Variants in ATP10B observed in about 807,000 individuals in gnomAD.
ATP10B encodes the protein phospholipid-transporting ATPase VB.
ATP10B carries 122 observed loss-of-function variants against 141.2 expected under a neutral mutation model. The observed-to-expected ratio is 0.86, with a 90% confidence interval of 0.75 to 1.00. The LOEUF (loss-of-function observed/expected upper bound fraction) is 1.00. ATP10B is among the 50% of genes least tolerant of loss of function. The pLI, the probability that ATP10B is intolerant of heterozygous loss-of-function variation, is 0.00. For missense variants in ATP10B, 1,876 were observed against 1,825.3 expected (o/e 1.03, Z -0.51); for synonymous variants, 685 against 692.0 (o/e 0.99, Z 0.16).
At chr5:160,813,139 G>A (rs1438672976) in intron 1 of ATP10B, among the ~76,000 whole-genome samples, 1 of 152,240 alleles carries the variant, frequency 6.6e-6, no homozygotes, top group Non-Finnish European at 1.5e-5. Flanking sequence ...AGTGGATGCA[G>A]GACAGTGGGT....
At position 160,565,824 on chromosome 5, in the gene ATP10B, G is replaced by A. The variant is rs758514704; in HGVS notation, c.4015C>T (p.Pro1339Ser). Residue 1339 changes from proline to serine, a missense_variant, in exon 26 of 26, where the codon CCA (proline) becomes TCA (serine). Transcript: ENST00000327245. ...TGGATTTCCAGGTTTCTTTTGTCTG[G>A]GGGGAGTTTGTCAATTTTCTGAGCT... ...SKAQKIDKLPPDKRNLEIQSW... is the reference protein window; with the variant it reads ...SKAQKIDKLPSDKRNLEIQSW... The A allele has an allele frequency of 6.2e-7, 1 of 1,613,994 alleles. No homozygotes were observed. The highest frequency in any genetic ancestry group is 8.5e-7 in the Non-Finnish European group (1 of 1,179,964).
intron 2 of ATP10B, among the ~76,000 whole-genome samples, chr5:160,765,390 A>G (rs1172667513): frequency 6.6e-6 from 1 of 152,216 alleles, no homozygotes; most frequent in Non-Finnish European, 1.5e-5. Flanking sequence ...AACAGAATAG[A>G]GAACTCAGAA....
intron 22 of ATP10B, among the ~76,000 whole-genome samples, chr5:160,597,027 G>C (rs1756743872): frequency 6.6e-6 from 1 of 152,138 alleles, no homozygotes; most frequent in Non-Finnish European, 1.5e-5. Context: ...TTTCTTCACA[G>C]AATTGGAAAA....
At chr5:160,640,434 C>T in intron 10 of ATP10B, 27 bp downstream of exon 10, 1 of 1,611,264 alleles carries the variant, frequency 6.2e-7, no homozygotes, top group South Asian at 1.1e-5. Context: ...ATTACTGTGT[C>T]CTTGTTCTTT....
the ATP10B span, among the ~76,000 whole-genome samples, chr5:160,899,273 G>A: frequency 6.6e-6 from 1 of 151,986 alleles, no homozygotes; most frequent in Non-Finnish European, 1.5e-5. Context: ...AAAATACTGT[G>A]AGCACCCCTT....
At chr5:160,844,005 A>G (rs1361710621) in intron 1 of ATP10B, among the ~76,000 whole-genome samples, 2 of 152,170 alleles carry the variant, frequency 1.3e-5, no homozygotes, top group African/African-American at 4.8e-5. Flanking sequence ...TTTACAAAGT[A>G]CAAAAATCTG....
intron 2 of ATP10B, among the ~76,000 whole-genome samples, chr5:160,744,476 C>A (rs574920538): frequency 6.6e-6 from 1 of 152,290 alleles, no homozygotes. Context: ...TCATGGGTTG[C>A]TGAGAGGAAG....
At chr5:160,792,969 T>G (rs139549806) in intron 1 of ATP10B, among the ~76,000 whole-genome samples, 1 of 152,320 alleles carries the variant, frequency 6.6e-6, no homozygotes, top group East Asian at 1.9e-4. Flanking sequence ...GTCAGGCTCT[T>G]GCATCCTGCT....
At chr5:160,631,464 CA>C in intron 13 of ATP10B, among the ~76,000 whole-genome samples, 1 of 152,314 alleles carries the variant, frequency 6.6e-6, no homozygotes, top group East Asian at 1.9e-4. Flanking sequence ...CCACAAACAG[CA>C]ATGCCCATAA....
chr5:160,825,496 C>A (rs939849625), intron 1 of ATP10B, among the ~76,000 whole-genome samples: 6 of 152,192 alleles, frequency 3.9e-5, no homozygotes, highest in Admixed American at 2.6e-4. Flanking sequence ...GCCTCCCCAG[C>A]ATGTGGAACT....
At chr5:160,663,471 G>T (rs1561720677) in intron 7 of ATP10B, among the ~76,000 whole-genome samples, 2 of 152,154 alleles carry the variant, frequency 1.3e-5, no homozygotes, top group Non-Finnish European at 2.9e-5. Context: ...AAAAAATGAT[G>T]AGTTCATGTC....
chr5:160,736,306 G>T (rs979041173), intron 2 of ATP10B, among the ~76,000 whole-genome samples: 1 of 152,182 alleles, frequency 6.6e-6, no homozygotes, highest in African/African-American at 2.4e-5. Context: ...GAAATTCAAA[G>T]GATCGTTAGT....
the ATP10B span, among the ~76,000 whole-genome samples, chr5:160,914,759 A>C: frequency 6.6e-6 from 1 of 152,212 alleles, no homozygotes; most frequent in African/African-American, 2.4e-5. Context: ...AGTTACCAAC[A>C]TGAAATGGAG....
chr5:160,680,061 T>C (rs1763275449), intron 6 of ATP10B, among the ~76,000 whole-genome samples: 1 of 152,244 alleles, frequency 6.6e-6, no homozygotes, highest in South Asian at 2.1e-4. Flanking sequence ...AACGGGATTG[T>C]AATTCTGTCA....
At chr5:160,652,257 C>T (rs1481583450) in intron 7 of ATP10B, among the ~76,000 whole-genome samples, 1 of 151,930 alleles carries the variant, frequency 6.6e-6, no homozygotes, top group African/African-American at 2.4e-5. Context: ...GGGCTCTCTT[C>T]TTCAGTTGGA....
In ATP10B at chr5:160,811,595, C is replaced by T. The variant is rs538888715; in HGVS notation, c.-575-25792G>A. Reference sequence around the variant, plus strand: ...GGCCATGGTGTGGCCATTTCCCCCTCTTCCTACCCCTGCCTATGGAAAGGG... The same window carrying T: ...GGCCATGGTGTGGCCATTTCCCCCTTTTCCTACCCCTGCCTATGGAAAGGG... On this transcript the variant is annotated intron_variant, in intron 1 of 25. Transcript: ENST00000327245. 3.9e-4 allele frequency among the ~76,000 whole-genome samples: 60 copies of T among 152,282 alleles called. 1 individual carries two copies. Among genetic ancestry groups the T allele is most frequent in the African/African-American group, 1.3e-3 (56 of 41,570 alleles).
rs147586737 is a variant in ATP10B, at chr5:160,802,383, T to C, written c.-575-16580A>G. Among the ~76,000 whole-genome samples, 6 of 152,304 alleles carry C rather than the reference T, an allele frequency of 3.9e-5. No individual in the cohort carries two copies. In the East Asian group the frequency reaches 1.2e-3, roughly 29 times the overall value. On this transcript the variant is annotated intron_variant, in intron 1 of 25. Transcript: ENST00000327245. The stretch of plus-strand genomic sequence containing the variant: ...CTGTTTTCAAGCCAACCTATATCAG[T>C]GGTTCTCAACTGGAAGCAATTTTGT...
chr5:160,778,958 T>C (rs1011315902), intron 2 of ATP10B, among the ~76,000 whole-genome samples: 1 of 152,120 alleles, frequency 6.6e-6, no homozygotes, highest in African/African-American at 2.4e-5. Flanking sequence ...ATAATAGTAG[T>C]AGGCGTCTTA....
the ATP10B span, among the ~76,000 whole-genome samples, chr5:160,875,307 T>G: frequency 1.7e-4 from 13 of 77,424 alleles, 3 homozygotes; most frequent in Admixed American, 3.8e-4. Context: ...GAAGGAGAAA[T>G]AAAATACTTT....
Sources: gnomAD v4.1 joint callset for allele counts (sites outside exome capture counted in the v4.1 genomes callset) on GRCh38, gnomAD v4.1.1 for gene constraint, MANE v1.5 for transcripts, NCBI Gene and HGNC (gene_info 2026-07-23, HGNC 2026-07-21) for gene names.